LMO7: variants seen among roughly 807,000 people sequenced by gnomAD.
LMO7 encodes the protein LIM domain 7, also known as LIM domain only protein 7.
LMO7 carries 120 observed loss-of-function variants against 206.5 expected under a neutral mutation model. That is an observed-to-expected ratio of 0.58 (90% CI 0.50 to 0.68). The LOEUF is 0.68. Among genes scored for constraint, LMO7 ranks in the 30% least tolerant of loss-of-function variants. The pLI, the probability that LMO7 is intolerant of heterozygous loss-of-function variation, is 0.00. For missense variants in LMO7, 1,959 were observed against 1,957.9 expected, an observed-to-expected ratio of 1.00 and a Z score of -0.01; for synonymous variants, 706 against 681.5, an observed-to-expected ratio of 1.04 and a Z score of -0.56.
chr13:75,678,646 C>T lies in LMO7; in HGVS notation c.70-34536C>T, dbSNP rs2040227506. On this transcript the variant is annotated intron_variant, in intron 1 of 30. Transcript: ENST00000377534. ...TCACACCTCTTCGGTGAGACCAGCTCTCCTCCTCTCAGTGTACACATAGGA... is the reference window on the plus strand; with the variant it reads ...TCACACCTCTTCGGTGAGACCAGCTTTCCTCCTCTCAGTGTACACATAGGA... Among the ~76,000 whole-genome samples the T allele has an allele frequency of 2.6e-5, 4 of 152,278 alleles. No homozygotes were observed. In the South Asian group the frequency reaches 6.2e-4, roughly 24 times the overall value.
chr13:75,854,548 G>A (rs897403225), intron 28 of LMO7, among the ~76,000 whole-genome samples: 3 of 152,082 alleles, frequency 2.0e-5, no homozygotes, highest in Non-Finnish European at 4.4e-5. Context: ...CCTCTTAAGC[G>A]CCGTGCTCAT....
At chr13:75,838,047 C>A in intron 19 of LMO7, 93 bp from the exon 20 acceptor site, 1 of 716,414 alleles carries the variant, frequency 1.4e-6, no homozygotes, top group Non-Finnish European at 2.4e-6. Context: ...AATAATATTG[C>A]TACAGATTGG....
intron 4 of LMO7, among the ~76,000 whole-genome samples, chr13:75,782,014 A>T (rs2051549569): frequency 6.6e-6 from 1 of 152,028 alleles, no homozygotes; most frequent in Admixed American, 6.6e-5. Context: ...TTCATTGTAG[A>T]TTCTGGATAT....
chr13:75,786,227 T>C (rs2052398510), intron 4 of LMO7, among the ~76,000 whole-genome samples: 1 of 152,198 alleles, frequency 6.6e-6, no homozygotes. Context: ...AGTGTCTGTG[T>C]CTTGCTTGCC....
chr13:75,804,738 A>T, intron 8 of LMO7, 197 bp downstream of exon 8: 1 of 1,014,430 alleles, frequency 9.9e-7, no homozygotes, highest in African/African-American at 1.6e-5. Flanking sequence ...ATGTCAGCAT[A>T]TGATTTGCTA....
In LMO7 at chr13:75,833,034, T is replaced by C; in HGVS notation, c.2950-17T>C. The C allele has an allele frequency of 6.8e-7, 1 of 1,461,604 alleles. No homozygotes were observed. Among genetic ancestry groups the C allele is most frequent in the Non-Finnish European group, 9.6e-7 (1 of 1,041,590 alleles). The allele number at this position is 1,461,604 out of a possible 1,614,324, so 90.5% of individuals were successfully genotyped here. A position where few individuals can be genotyped will look rare whatever the true frequency, so the allele number is the denominator to read the frequency against. On this transcript the variant is annotated splice_polypyrimidine_tract_variant and intron_variant, in intron 15 of 30. Transcript: ENST00000377534. ...GCCAGGGACACCGGATACCAGCGTT[T>C]CATGTTTTGTTTTCAGGATCAGTTC...
chr13:75,766,853 A>G (rs1039601846), intron 4 of LMO7, among the ~76,000 whole-genome samples: 1 of 152,082 alleles, frequency 6.6e-6, no homozygotes, highest in Non-Finnish European at 1.5e-5. Context: ...CTGGATTTCA[A>G]TTACAAAGAC....
At chr13:75,632,768 C>G (rs1175688255), upstream of LMO7, among the ~76,000 whole-genome samples, 1 of 151,608 alleles carries the variant, frequency 6.6e-6, no homozygotes, top group African/African-American at 2.4e-5. Context: ...TCCTACTGGA[C>G]TGAATAGTGC....
At chr13:75,840,905 C>G (rs1353149140) in intron 22 of LMO7, among the ~76,000 whole-genome samples, 1 of 152,060 alleles carries the variant, frequency 6.6e-6, no homozygotes, top group East Asian at 1.9e-4. Context: ...CAGTGTCTAC[C>G]TTTTTACCCC....
At chr13:75,813,376 A>T (rs2056637450) in intron 11 of LMO7, among the ~76,000 whole-genome samples, 1 of 152,200 alleles carries the variant, frequency 6.6e-6, no homozygotes, top group Non-Finnish European at 1.5e-5. Context: ...CACACAGCCA[A>T]ATCCAGTTCT....
chr13:75,807,508 A>T lies in LMO7; in HGVS notation c.1225A>T (p.Thr409Ser), dbSNP rs2055703311. 6.2e-7 allele frequency: 1 copy of T among 1,613,486 alleles called. No individual in the cohort carries two copies. Among genetic ancestry groups the T allele is most frequent in the African/African-American group, 1.3e-5 (1 of 74,876 alleles). Reference protein sequence around the residue: ...SQFLLLQALQTYSDDILSSET... With the variant: ...SQFLLLQALQSYSDDILSSET... ...GTTTTTACTGCTTCAGGCCCTCCAA[A>T]CATACTCTGATGACATCTTGTCTTC... is the stretch of plus-strand genomic sequence containing the variant. The change falls in exon 10 of 31, where the codon ACA (threonine) becomes TCA (serine). Residue 409 changes from threonine (T) to serine (S), a missense_variant. By Grantham distance (58) the Thr-to-Ser change is moderately conservative. Transcript: ENST00000377534.
intron 1 of LMO7, among the ~76,000 whole-genome samples, chr13:75,656,209 T>C (rs186390163): frequency 6.6e-6 from 1 of 152,294 alleles, no homozygotes; most frequent in East Asian, 1.9e-4. Flanking sequence ...GAAGCTAAGA[T>C]AGTCCTGCAG....
At chr13:75,655,948 G>A (rs1004552454) in intron 1 of LMO7, among the ~76,000 whole-genome samples, 1 of 152,082 alleles carries the variant, frequency 6.6e-6, no homozygotes, top group African/African-American at 2.4e-5. Flanking sequence ...CCATGTGGCA[G>A]GCAGTGAATC....
intron 1 of LMO7, among the ~76,000 whole-genome samples, chr13:75,641,833 T>C (rs2036564771): frequency 6.6e-6 from 1 of 151,882 alleles, no homozygotes; most frequent in African/African-American, 2.4e-5. Context: ...TTCTTTTTTT[T>C]TTTTTTGGTA....
chr13:75,676,092 C>T (rs1408718926), intron 1 of LMO7, among the ~76,000 whole-genome samples: 3 of 152,140 alleles, frequency 2.0e-5, no homozygotes, highest in Non-Finnish European at 4.4e-5. Flanking sequence ...TGAAAGTATC[C>T]TTAGCATCCT....
chr13:75,709,352 A>G (rs1416737936), intron 1 of LMO7, among the ~76,000 whole-genome samples: 1 of 152,194 alleles, frequency 6.6e-6, no homozygotes, highest in African/African-American at 2.4e-5. Context: ...TTCTACTTCA[A>G]GATCCCTGAG....
chr13:75,731,755 T>C (rs1268087790), intron 3 of LMO7, among the ~76,000 whole-genome samples: 1 of 152,214 alleles, frequency 6.6e-6, no homozygotes, highest in Non-Finnish European at 1.5e-5. Flanking sequence ...CATGATTTTG[T>C]GGCGGCTGGT....
At chr13:75,828,236 C>T (rs185059961) in intron 15 of LMO7, among the ~76,000 whole-genome samples, 197 of 152,316 alleles carry the variant, frequency 1.3e-3, no homozygotes, top group Admixed American at 2.1e-3. Context: ...TTAAATGTTT[C>T]ATTTAATTAT....
At chr13:75,728,028 T>G (rs1399517501) in intron 3 of LMO7, among the ~76,000 whole-genome samples, 1 of 152,090 alleles carries the variant, frequency 6.6e-6, no homozygotes, top group Admixed American at 6.5e-5. Flanking sequence ...TCTATCATTG[T>G]TGGACATTTG....
Sources: gnomAD v4.1 joint callset for allele counts (sites outside exome capture counted in the v4.1 genomes callset) on GRCh38, gnomAD v4.1.1 for gene constraint, MANE v1.5 for transcripts, NCBI Gene and HGNC (gene_info 2026-07-23, HGNC 2026-07-21) for gene names.